Variants in CFAP161 observed in about 807,000 individuals in gnomAD.
CFAP161 encodes the protein cilia and flagella associated protein 161.
CFAP161 carries 25 observed loss-of-function variants against 29.0 expected under a neutral mutation model. The observed-to-expected ratio is 0.86, with a 90% CI of 0.63 to 1.20. The LOEUF (loss-of-function observed/expected upper bound fraction) is 1.20, where lower values mean the gene tolerates loss of function less well. CFAP161 is among the 50% of genes most tolerant of loss of function. The pLI is 0.00. For missense variants in CFAP161, 367 were observed against 371.9 expected (o/e 0.99, Z 0.11); for synonymous variants, 116 against 137.4 (o/e 0.84, Z 1.09).
chr15:81,105,087 C>A (rs1449121040), intron 1 of CFAP161, among the ~76,000 whole-genome samples: 1 of 71,380 alleles, frequency 1.4e-5, no homozygotes, highest in African/African-American at 3.7e-5. Flanking sequence ...TCTTTCTTTT[C>A]TTTTCCCTCC....
chr15:81,125,232 C>T (rs984657471), intron 1 of CFAP161, among the ~76,000 whole-genome samples: 4 of 152,068 alleles, frequency 2.6e-5, no homozygotes, highest in African/African-American at 9.7e-5. Context: ...AGCCCATCAC[C>T]ATTTCAAGTT....
At chr15:81,130,169 T>C (rs1567155555), upstream of CFAP161, among the ~76,000 whole-genome samples, 1 of 152,230 alleles carries the variant, frequency 6.6e-6, no homozygotes, top group African/African-American at 2.4e-5. Context: ...AGGCTTTGGC[T>C]CAAGGGAATG....
At chr15:81,141,849 T>C in intron 4 of CFAP161, among the ~76,000 whole-genome samples, 1 of 151,984 alleles carries the variant, frequency 6.6e-6, no homozygotes, top group South Asian at 2.1e-4. Flanking sequence ...CACACCTGGC[T>C]AAGTTTTGTA....
Position 81,136,672 on chromosome 15 carries a change from G to A in CFAP161, c.316G>A (p.Glu106Lys), listed in dbSNP as rs374697061. The part of the protein sequence containing the change: ...PDEIQSHLKD[E>K]LEVPCGLSAV... Reference sequence around the variant, plus strand: ...TGAAATTCAGTCCCATCTGAAAGACGAATTAGAGGTACCCTGTGGCCTGAG... The same window carrying A: ...TGAAATTCAGTCCCATCTGAAAGACAAATTAGAGGTACCCTGTGGCCTGAG... The change falls in exon 3 of 7, where the codon GAA (glutamate) becomes AAA (lysine). Residue 106 changes from glutamate (E) to lysine (K), a missense_variant. Transcript: ENST00000286732. 49 of 1,614,140 alleles carry A rather than the reference G, an allele frequency of 3.0e-5. 1 individual carries two copies. The highest frequency in any genetic ancestry group is 2.5e-4 in the South Asian group (23 of 91,062).
intron 4 of CFAP161, among the ~76,000 whole-genome samples, chr15:81,142,579 C>T (rs1346308582): frequency 1.3e-5 from 2 of 152,192 alleles, no homozygotes; most frequent in Non-Finnish European, 2.9e-5. Context: ...GCTGGACCTC[C>T]CTAACCAGAA....
intron 4 of CFAP161, among the ~76,000 whole-genome samples, chr15:81,143,202 A>G (rs1567160022): frequency 6.6e-6 from 1 of 151,902 alleles, no homozygotes; most frequent in Non-Finnish European, 1.5e-5. Context: ...AGTCCCAGCT[A>G]CTCGGGAGGC....
At chr15:81,147,816 A>AT in intron 5 of CFAP161, 42 bp from the exon 6 acceptor site, 1 of 1,482,358 alleles carries the variant, frequency 6.7e-7, no homozygotes. Context: ...CAAAAAAAAA[A>AT]ATGTTTAGAA....
chr15:81,134,352 C>T lies in CFAP161; in HGVS notation c.23C>T (p.Pro8Leu), dbSNP rs779418916. The T allele has an allele frequency of 1.0e-5, 16 of 1,590,782 alleles. No individual in the cohort carries two copies. The highest frequency in any genetic ancestry group is 1.3e-5 in the Non-Finnish European group (15 of 1,169,716). Residue 8 changes from proline (P) to leucine (L), a missense_variant, in exon 1 of 7, where the codon CCG (proline) becomes CTG (leucine). Transcript: ENST00000286732. ...GCGATGGCGCAGAACGTGTATGGTC[C>T]GGGAGTCCGGATAGGCAACTGGAAT... MAQNVYG[P>L]GVRIGNWNED...
At chr15:81,122,340 T>A (rs11635564) in intron 1 of CFAP161, among the ~76,000 whole-genome samples, 86,874 of 151,996 alleles carry the variant, frequency 0.57, 26,089 homozygotes, top group Non-Finnish European at 0.68. Context: ...ACAGTATAAA[T>A]GCATTCCTTT....
chr15:81,145,369 T>A (rs1444426647), intron 5 of CFAP161, among the ~76,000 whole-genome samples: 1 of 152,244 alleles, frequency 6.6e-6, no homozygotes, highest in African/African-American at 2.4e-5. Context: ...TCAGTTTCCC[T>A]ATCTAAATTT....
chr15:81,120,333 C>T (rs2683240), intron 1 of CFAP161, among the ~76,000 whole-genome samples: 108,414 of 152,084 alleles, frequency 0.71, 39,279 homozygotes, highest in Non-Finnish European at 0.78. Context: ...AGTTTCCTGG[C>T]TACAAGGAAC....
At chr15:81,134,234 A>G (rs903961668), upstream of CFAP161, 20 of 1,435,676 alleles carry the variant, frequency 1.4e-5, no homozygotes, top group East Asian at 2.5e-5. Flanking sequence ...AGGGTCCCAG[A>G]CCTTGACCAA....
chr15:81,132,139 T>C (rs967553985), upstream of CFAP161, among the ~76,000 whole-genome samples: 10 of 152,046 alleles, frequency 6.6e-5, no homozygotes, highest in Non-Finnish European at 1.3e-4. Flanking sequence ...TACCCAGGCA[T>C]GGTGGCACAT....
At chr15:81,120,913 T>C (rs1018513006) in intron 1 of CFAP161, among the ~76,000 whole-genome samples, 6 of 152,350 alleles carry the variant, frequency 3.9e-5, no homozygotes, top group African/African-American at 1.4e-4. Flanking sequence ...GTTTAGAAGA[T>C]GGCTATTAAA....
At chr15:81,130,953 C>G (rs1894703042), upstream of CFAP161, among the ~76,000 whole-genome samples, 1 of 151,884 alleles carries the variant, frequency 6.6e-6, no homozygotes, top group African/African-American at 2.4e-5. Context: ...CCCCAAACAA[C>G]TACAATGGCA....
intron 4 of CFAP161, among the ~76,000 whole-genome samples, chr15:81,139,474 C>T (rs1428905404): frequency 2.0e-5 from 3 of 152,022 alleles, no homozygotes; most frequent in Admixed American, 2.0e-4. Context: ...TTTATTTTTA[C>T]TTTCCTGTGT....
intron 2 of CFAP161, among the ~76,000 whole-genome samples, chr15:81,135,771 G>A (rs555153056): frequency 6.6e-6 from 1 of 152,144 alleles, no homozygotes; most frequent in Non-Finnish European, 1.5e-5. Context: ...TATCGTTGTT[G>A]GACATTTAGG....
chr15:81,127,873 A>G (rs926657974), intron 2 of CFAP161: 1 of 152,370 alleles, frequency 6.6e-6, no homozygotes, highest in African/African-American at 2.4e-5. Flanking sequence ...GGGACAGAGC[A>G]TTGCAATGGG....
intron 1 of CFAP161, among the ~76,000 whole-genome samples, chr15:81,108,634 G>A (rs1178863364): frequency 1.3e-5 from 2 of 152,132 alleles, no homozygotes; most frequent in Admixed American, 1.3e-4. Flanking sequence ...GGGGCAAGGT[G>A]GAAGTTTTGG....
Sources: allele counts gnomAD v4.1 joint callset (sites outside exome capture counted in the v4.1 genomes callset), GRCh38; gene constraint gnomAD v4.1.1; transcripts MANE v1.5; gene names NCBI Gene and HGNC (gene_info 2026-07-23, HGNC 2026-07-21).